PTPN14: variants seen among roughly 807,000 people sequenced by gnomAD.
PTPN14 encodes the protein protein tyrosine phosphatase non-receptor type 14, also known as tyrosine-protein phosphatase non-receptor type 14.
Under a neutral mutation model 126.8 loss-of-function variants are expected in PTPN14, and 53 were observed. The ratio of observed to expected loss-of-function variants is 0.42; its 90% CI spans 0.34 to 0.53. PTPN14 has a LOEUF of 0.53. Among genes scored for constraint, PTPN14 ranks in the 20% least tolerant of loss-of-function variants. The pLI is 0.08. For missense variants in PTPN14, 1,257 were observed against 1,552.9 expected (o/e 0.81, Z 3.20); for synonymous variants, 630 against 599.3 (o/e 1.05, Z -0.75).
At chr1:214,470,508 C>T (rs1032827969) in intron 1 of PTPN14, among the ~76,000 whole-genome samples, 1 of 152,076 alleles carries the variant, frequency 6.6e-6, no homozygotes, top group Non-Finnish European at 1.5e-5. Flanking sequence ...CTTGGCCAGG[C>T]ACGGTGACTC....
intron 1 of PTPN14, among the ~76,000 whole-genome samples, chr1:214,520,065 A>AAAAAAAAAAAAAAATATATATATAT: frequency 1.4e-4 from 10 of 71,096 alleles, no homozygotes; most frequent in Non-Finnish European, 2.4e-4. Flanking sequence ...AAAAAAAAAA[A>AAAAAAAAAAAAAAATATATATATAT]ATATATATAT....
intron 1 of PTPN14, among the ~76,000 whole-genome samples, chr1:214,536,485 T>C (rs1324425105): frequency 1.3e-5 from 2 of 151,966 alleles, no homozygotes; most frequent in Non-Finnish European, 2.9e-5. Flanking sequence ...CAAATATTAG[T>C]TATTAAGACT....
At chr1:214,485,804 C>T (rs897998913) in intron 1 of PTPN14, among the ~76,000 whole-genome samples, 1 of 152,074 alleles carries the variant, frequency 6.6e-6, no homozygotes. Context: ...CAGCTCACTG[C>T]AAGCTCCGCC....
chr1:214,390,255 C>A (rs964769353), intron 11 of PTPN14, among the ~76,000 whole-genome samples: 1 of 152,066 alleles, frequency 6.6e-6, no homozygotes, highest in East Asian at 1.9e-4. Flanking sequence ...TTAAAGAAAA[C>A]CAATTCTTAA....
intron 1 of PTPN14, among the ~76,000 whole-genome samples, chr1:214,492,742 G>A (rs1254225035): frequency 1.3e-5 from 2 of 151,856 alleles, no homozygotes; most frequent in Non-Finnish European, 2.9e-5. Flanking sequence ...ACCCCGTCTC[G>A]ATTAAAGATA....
intron 1 of PTPN14, among the ~76,000 whole-genome samples, chr1:214,518,729 A>G (rs981482355): frequency 6.6e-6 from 1 of 152,222 alleles, no homozygotes; most frequent in Non-Finnish European, 1.5e-5. Context: ...ACTTCTAAAT[A>G]CAACAGCTAT....
chr1:214,476,627 T>G (rs150677262), intron 1 of PTPN14, among the ~76,000 whole-genome samples: 1 of 152,308 alleles, frequency 6.6e-6, no homozygotes, highest in African/African-American at 2.4e-5. Flanking sequence ...CATCCAGCAC[T>G]GAGCTTCCCT....
At position 214,364,158 on chromosome 1, in the gene PTPN14, A is replaced by G. The variant is rs185569822; in HGVS notation, c.3435+354T>C. 1.3e-5 allele frequency among the ~76,000 whole-genome samples: 2 copies of G among 152,308 alleles called. No individual in the cohort carries two copies. Among genetic ancestry groups the G allele is most frequent in the Non-Finnish European group, 2.9e-5 (2 of 68,028 alleles). ...GAAATGCAAGATGCATCGAAACTAT[A>G]TGGGGTCAAATAACTCACCATGGAA... On this transcript the variant is annotated intron_variant, in intron 18 of 18. Coordinates refer to ENST00000366956, the MANE Select transcript of PTPN14 (RefSeq NM_005401.5). This position sits in a 1 kb window ranked among gnomAD's most constrained non-coding sequence, Gnocchi z 4.1.
intron 2 of PTPN14, among the ~76,000 whole-genome samples, chr1:214,460,176 T>TCA (rs71165971): frequency 0.83 from 125,877 of 151,918 alleles, 52,260 homozygotes; most frequent in African/African-American, 0.89. Flanking sequence ...TAGGGACACA[T>TCA]CAGACTTGTT....
At chr1:214,466,388 T>C (rs1660639139) in intron 1 of PTPN14, among the ~76,000 whole-genome samples, 1 of 152,214 alleles carries the variant, frequency 6.6e-6, no homozygotes, top group Non-Finnish European at 1.5e-5. Context: ...CCTACCATCA[T>C]CTTGTTCCTT....
intron 10 of PTPN14, among the ~76,000 whole-genome samples, chr1:214,392,807 GAA>G (rs35102948): frequency 1.3e-5 from 2 of 152,190 alleles, no homozygotes; most frequent in Non-Finnish European, 2.9e-5. Flanking sequence ...ACGGTGTGGA[GAA>G]AAAAGTCTGC....
chr1:214,515,261 A>G (rs1305564539), intron 1 of PTPN14, among the ~76,000 whole-genome samples: 1 of 152,138 alleles, frequency 6.6e-6, no homozygotes, highest in African/African-American at 2.4e-5. Flanking sequence ...CATTTGGGAG[A>G]AAAAATACTC....
chr1:214,384,595 G>T lies in PTPN14; in HGVS notation c.1260C>A (p.Ile420=). 1 of 1,614,200 alleles carries T rather than the reference G, an allele frequency of 6.2e-7. No homozygotes were observed. The highest frequency in any genetic ancestry group is 2.2e-5 in the East Asian group (1 of 44,882). The change falls in exon 13 of 19, where the codon ATC becomes ATA. Residue 420 remains isoleucine, a synonymous_variant. Coordinates refer to ENST00000366956, the MANE Select transcript of PTPN14 (RefSeq NM_005401.5). This position sits in a 1 kb window ranked among gnomAD's most constrained non-coding sequence, Gnocchi z 5.3. The part of the protein sequence containing the change: ...SSNLSIPGSD[I]MRADYIPSHR... ...GGCTCGGGATGTAGTCGGCCCGCATGATGTCACTCCCAGGGATACTGAGGT... is the reference window on the plus strand; with the variant it reads ...GGCTCGGGATGTAGTCGGCCCGCATTATGTCACTCCCAGGGATACTGAGGT...
At position 214,520,047 on chromosome 1, in the gene PTPN14, C is replaced by CAAAAAAAAAA. The variant is rs1183768381; in HGVS notation, c.-155+31126_-155+31135dup. ...TGAGTGACAGAAAAAAACCCTGTCT[C>CAAAAAAAAAA]AAAAAAAAAAAAAAAAAAATATATA... is the stretch of plus-strand genomic sequence containing the variant. On this transcript the variant is annotated intron_variant, in intron 1 of 18. Transcript: ENST00000366956. Among the ~76,000 whole-genome samples the CAAAAAAAAAA allele has an allele frequency of 5.2e-4, 42 of 80,738 alleles. 1 individual carries two copies. Among genetic ancestry groups the CAAAAAAAAAA allele is most frequent in the African/African-American group, 2.3e-3 (38 of 16,508 alleles). 53.0% of individuals were successfully genotyped at this position (80,738 alleles called of 152,430 possible). A position where few individuals can be genotyped will look rare whatever the true frequency, so the allele number is the denominator to read the frequency against.
chr1:214,395,588 AACACACAC>A (rs57357032), intron 8 of PTPN14, among the ~76,000 whole-genome samples: 11,457 of 132,466 alleles, frequency 0.086, 474 homozygotes, highest in Admixed American at 0.1. Context: ...GGGACCCAAC[AACACACAC>A]ACACACACAC....
At chr1:214,547,515 A>G (rs1282782895) in intron 1 of PTPN14, among the ~76,000 whole-genome samples, 2 of 152,230 alleles carry the variant, frequency 1.3e-5, no homozygotes, top group South Asian at 4.1e-4. Flanking sequence ...CAGATGAAAG[A>G]CAACATTAAA....
In PTPN14 at chr1:214,357,070, G is replaced by C. The variant is rs1001699876; in HGVS notation, c.*852C>G. On this transcript the variant is annotated 3_prime_UTR_variant, in exon 19 of 19. Transcript: ENST00000366956. ...TTAACTGCACAGATGGTCTGGTCCA[G>C]AGCCTCAATGCCACCAGACAGGGTC... is the stretch of plus-strand genomic sequence containing the variant. 1 of 152,242 alleles carries C rather than the reference G, an allele frequency of 6.6e-6. No individual in the cohort carries two copies. The highest frequency in any genetic ancestry group is 2.4e-5 in the African/African-American group (1 of 41,424). The allele number at this position is 152,242 out of a possible 1,614,324, so 9.4% of individuals were successfully genotyped here.
intron 3 of PTPN14, among the ~76,000 whole-genome samples, chr1:214,441,140 G>GA (rs1281668596): frequency 1.3e-5 from 2 of 152,272 alleles, no homozygotes; most frequent in South Asian, 4.1e-4. Context: ...ACTTGTTAGA[G>GA]AAAAAACTTC....
chr1:214,407,058 G>A (rs185855967), intron 5 of PTPN14, among the ~76,000 whole-genome samples: 120 of 152,278 alleles, frequency 7.9e-4, no homozygotes, highest in Non-Finnish European at 1.4e-3. Flanking sequence ...TTTGGGATGA[G>A]CTTCTGAGAC....
Sources: allele counts gnomAD v4.1 joint callset (sites outside exome capture counted in the v4.1 genomes callset), GRCh38; gene constraint gnomAD v4.1.1; non-coding constraint Gnocchi (gnomAD v3.1); transcripts MANE v1.5; gene names NCBI Gene and HGNC (gene_info 2026-07-23, HGNC 2026-07-21).